DNAH9: variants seen among roughly 807,000 people sequenced by gnomAD.
DNAH9 encodes DNAH9 variant protein.
A neutral mutation model predicts 471.6 loss-of-function variants in DNAH9; 345 were observed. The observed-to-expected ratio is 0.73, with a 90% CI of 0.67 to 0.80. The LOEUF is 0.80. Ranked by LOEUF, DNAH9 falls within the 30% of genes least tolerant of loss-of-function variation. The pLI is 0.00. For synonymous variants in DNAH9, 2,093 were observed against 2,123.6 expected, an observed-to-expected ratio of 0.99 and a Z score of 0.40; for missense variants, 5,407 against 5,609.2, an observed-to-expected ratio of 0.96 and a Z score of 1.15.
In DNAH9 at chr17:11,825,027, A is replaced by G. The variant is rs150245322; in HGVS notation, c.9246+1993A>G. Among the ~76,000 whole-genome samples the G allele has an allele frequency of 1.2e-4, 18 of 151,490 alleles. No homozygotes were observed. In the East Asian group the frequency reaches 3.5e-3, roughly 29 times the overall value. On this transcript the variant is annotated intron_variant, in intron 48 of 68. Coordinates refer to ENST00000262442, the MANE Select transcript of DNAH9 (RefSeq NM_001372.4). ...TTCAGGAAACATGAGATCACTTCAA[A>G]CTCAACGTTTGCCAACAAATGGCAT...
intron 57 of DNAH9, 61 bp from the exon 58 acceptor site, chr17:11,891,716 G>A: frequency 1.9e-6 from 3 of 1,551,010 alleles, no homozygotes; most frequent in Non-Finnish European, 2.6e-6. Flanking sequence ...TCGCAGGTAA[G>A]ACCACTAGTG....
intron 1 of DNAH9, among the ~76,000 whole-genome samples, chr17:11,607,137 C>A (rs777186973): frequency 1.4e-4 from 22 of 152,204 alleles, no homozygotes; most frequent in Non-Finnish European, 2.8e-4. Context: ...GACAGAAGGT[C>A]ATGTTTATCT....
chr17:11,927,194 C>T (rs764564745), intron 62 of DNAH9, among the ~76,000 whole-genome samples: 1 of 152,176 alleles, frequency 6.6e-6, no homozygotes, highest in Non-Finnish European at 1.5e-5. Flanking sequence ...AAATTTTCTC[C>T]CATTCCATAA....
chr17:11,669,002 T>A (rs2073930224), intron 15 of DNAH9, 62 bp from the exon 16 acceptor site: 3 of 1,173,776 alleles, frequency 2.6e-6, no homozygotes, highest in Non-Finnish European at 3.7e-6. Context: ...TTTAAAACAG[T>A]CCTCTACTTT....
Position 11,770,453 on chromosome 17 carries a change from G to A in DNAH9, c.7552+1124G>A, listed in dbSNP as rs141027043. ...CAACTCAAAATGCTGATGGGGGGGA[G>A]CACCACCTCTGCTCTCTGCCCCTCA... is the stretch of plus-strand genomic sequence containing the variant. On this transcript the variant is annotated intron_variant, in intron 38 of 68. Coordinates refer to ENST00000262442, the MANE Select transcript of DNAH9 (RefSeq NM_001372.4). Among the ~76,000 whole-genome samples the A allele has an allele frequency of 1.7e-3, 254 of 152,146 alleles. 1 individual carries two copies. The highest frequency in any genetic ancestry group is 2.9e-3 in the Non-Finnish European group (200 of 68,014).
rs182034183 is a variant in DNAH9, at chr17:11,646,965, T to C, written c.1971-107T>C. On this transcript the variant is annotated intron_variant, in intron 11 of 68. Transcript: ENST00000262442. The stretch of plus-strand genomic sequence containing the variant: ...ACTCTCAGAAGCTGACCCAGCCTGG[T>C]TGGGTCAATGACTAGTAGTATCTTC... 277 of 1,121,478 alleles carry C rather than the reference T, an allele frequency of 2.5e-4. 1 individual carries two copies. The highest frequency in any genetic ancestry group is 2.0e-3 in the South Asian group (124 of 61,558). 69.5% of individuals were successfully genotyped at this position (1,121,478 alleles called of 1,614,324 possible). A position where few individuals can be genotyped will look rare whatever the true frequency, so the allele number is the denominator to read the frequency against.
chr17:11,938,154 C>T (rs1974773764), intron 66 of DNAH9, among the ~76,000 whole-genome samples: 1 of 151,978 alleles, frequency 6.6e-6, no homozygotes, highest in African/African-American at 2.4e-5. Context: ...GGGCTCTGAT[C>T]CTGGTGTGGG....
chr17:11,968,789 A>G (rs1367135232), intron 68 of DNAH9, among the ~76,000 whole-genome samples: 2 of 152,214 alleles, frequency 1.3e-5, no homozygotes, highest in African/African-American at 4.8e-5. Flanking sequence ...CAGAATACTC[A>G]GGTCCACATT....
rs756371741 is a variant in DNAH9 at position 11,807,770 on chromosome 17, A to G, written c.8459A>G (p.Asn2820Ser). The change falls in exon 44 of 69, where the codon AAT becomes AGT. Residue 2820 changes from asparagine (N) to serine (S), a missense_variant. Coordinates refer to ENST00000262442, the MANE Select transcript of DNAH9 (RefSeq NM_001372.4). ...CGCATCTTGGAGTCCCCGCGGGGAA[A>G]TGCTCTGCTGGTTGGTGTAGGTGGG... is the stretch of plus-strand genomic sequence containing the variant. ...INRILESPRG[N>S]ALLVGVGGSG... 3.1e-6 allele frequency: 5 copies of G among 1,613,188 alleles called. No homozygotes were observed. The highest frequency in any genetic ancestry group is 1.1e-5 in the South Asian group (1 of 91,022).
intron 20 of DNAH9, 116 bp downstream of exon 20, chr17:11,690,552 A>G (rs1428270957): frequency 2.4e-5 from 22 of 924,712 alleles, no homozygotes; most frequent in Admixed American, 5.8e-5. Flanking sequence ...CTTTGACTTT[A>G]CTTAAAGGCA....
At chr17:11,939,836 A>ATGGATGGT (rs1455989136) in intron 66 of DNAH9, among the ~76,000 whole-genome samples, 1 of 151,632 alleles carries the variant, frequency 6.6e-6, no homozygotes, top group African/African-American at 2.4e-5. Context: ...GGATGGATGG[A>ATGGATGGT]TGGATGGATG....
chr17:11,872,694 G>A (rs61186501), intron 52 of DNAH9, among the ~76,000 whole-genome samples: 72,108 of 151,860 alleles, frequency 0.47, 17,507 homozygotes, highest in Non-Finnish European at 0.53. Context: ...GTTGAGGCGG[G>A]CGGATCACGA....
chr17:11,760,308 A>T (rs374552752), intron 35 of DNAH9, among the ~76,000 whole-genome samples: 1 of 152,186 alleles, frequency 6.6e-6, no homozygotes, highest in Non-Finnish European at 1.5e-5. Context: ...TCCTTTAACT[A>T]AAAGTCTGCT....
chr17:11,730,180 C>T (rs944222612), intron 28 of DNAH9, among the ~76,000 whole-genome samples: 20 of 152,246 alleles, frequency 1.3e-4, no homozygotes, highest in Middle Eastern at 3.4e-3. Flanking sequence ...AGACAAATGG[C>T]TAGCCTGGAC....
chr17:11,737,524 G>A (rs1243925746), intron 28 of DNAH9, among the ~76,000 whole-genome samples: 1 of 152,142 alleles, frequency 6.6e-6, no homozygotes, highest in Non-Finnish European at 1.5e-5. Context: ...TTCTGGGGCC[G>A]GGCTGGACAA....
chr17:11,665,160 G>T (rs1304552426), intron 15 of DNAH9, among the ~76,000 whole-genome samples, 192 bp downstream of exon 15: 1 of 152,140 alleles, frequency 6.6e-6, no homozygotes, highest in African/African-American at 2.4e-5. Context: ...GATTTCTGAC[G>T]CTTAAAATTA....
chr17:11,761,828 C>A (rs1160281803), intron 35 of DNAH9, among the ~76,000 whole-genome samples: 3 of 152,152 alleles, frequency 2.0e-5, no homozygotes, highest in African/African-American at 7.2e-5. Context: ...CCAGAGCTCT[C>A]TCTAGTACTC....
At chr17:11,740,843 C>G (rs1346299799) in intron 29 of DNAH9, among the ~76,000 whole-genome samples, 1 of 152,126 alleles carries the variant, frequency 6.6e-6, no homozygotes, top group Non-Finnish European at 1.5e-5. Flanking sequence ...CCTCCCCGCC[C>G]CCAGTCCTGT....
intron 22 of DNAH9, among the ~76,000 whole-genome samples, chr17:11,698,657 A>G (rs1302565458): frequency 1.3e-5 from 2 of 152,072 alleles, no homozygotes; most frequent in African/African-American, 4.8e-5. Context: ...ATTAAAAGTC[A>G]GGATACCAGC....
Sources: allele counts gnomAD v4.1 joint callset (sites outside exome capture counted in the v4.1 genomes callset), GRCh38; gene constraint gnomAD v4.1.1; transcripts MANE v1.5; gene names NCBI Gene and HGNC (gene_info 2026-07-23, HGNC 2026-07-21).